The following GRM8 variants were observed in gnomAD, a reference collection of about 807,000 sequenced individuals.
GRM8 encodes the protein metabotropic glutamate receptor 8.
Under a neutral mutation model 87.2 loss-of-function variants are expected in GRM8, and 47 were observed. That is an observed-to-expected ratio of 0.54 (90% confidence interval 0.43 to 0.69). The LOEUF (loss-of-function observed/expected upper bound fraction) is 0.69. Ranked by LOEUF, GRM8 falls within the 30% of genes least tolerant of loss-of-function variation. The pLI, the probability that GRM8 is intolerant of heterozygous loss-of-function variation, is 0.00. For synonymous variants in GRM8, 396 were observed against 404.5 expected (o/e 0.98, Z 0.25); for missense variants, 1,019 against 1,139.2 (o/e 0.89, Z 1.52).
chr7:126,839,529 T>C (rs1256074252), intron 6 of GRM8, among the ~76,000 whole-genome samples: 2 of 152,092 alleles, frequency 1.3e-5, no homozygotes, highest in Admixed American at 6.6e-5. Context: ...TTGAATACAT[T>C]CACATTTAGG....
chr7:126,439,046 G>A lies in GRM8; in HGVS notation c.*73C>T. ...GTAGTCTACGGAGATCTCCAGGAGT[G>A]AATTTTTGCGGTCTCATGTTCATCA... On this transcript the variant is annotated 3_prime_UTR_variant, in exon 11 of 11. Coordinates refer to ENST00000339582, the MANE Select transcript of GRM8 (RefSeq NM_000845.3). 4 of 884,562 alleles carry A rather than the reference G, an allele frequency of 4.5e-6. No individual in the cohort carries two copies. The highest frequency in any genetic ancestry group is 3.9e-5 in the South Asian group (3 of 76,158). The allele number at this position is 884,562 out of a possible 1,614,324, so 54.8% of individuals were successfully genotyped here. A position where few individuals can be genotyped will look rare whatever the true frequency, so the allele number is the denominator to read the frequency against.
intron 1 of GRM8, among the ~76,000 whole-genome samples, chr7:127,247,274 G>A (rs1374993800): frequency 2.0e-5 from 3 of 152,294 alleles, no homozygotes; most frequent in East Asian, 3.9e-4. Flanking sequence ...ACCCACCAAC[G>A]CATGCAGGGT....
At chr7:127,075,620 T>C (rs1023297182) in intron 3 of GRM8, among the ~76,000 whole-genome samples, 1 of 152,124 alleles carries the variant, frequency 6.6e-6, no homozygotes, top group African/African-American at 2.4e-5. Flanking sequence ...TTGAATGGGA[T>C]AATGTGGAGG....
At chr7:126,554,236 C>A (rs903913480) in intron 8 of GRM8, among the ~76,000 whole-genome samples, 12 of 151,350 alleles carry the variant, frequency 7.9e-5, no homozygotes, top group Admixed American at 1.3e-4. Context: ...AAAATAAAAA[C>A]AAAAAGATAA....
intron 7 of GRM8, among the ~76,000 whole-genome samples, chr7:126,638,991 C>T (rs184899213): frequency 7.2e-5 from 11 of 152,312 alleles, no homozygotes; most frequent in African/African-American, 2.2e-4. Flanking sequence ...ACCACACAAT[C>T]TACTCTAGCC....
At chr7:127,140,155 C>G (rs1001755295) in intron 2 of GRM8, among the ~76,000 whole-genome samples, 1 of 152,262 alleles carries the variant, frequency 6.6e-6, no homozygotes. Flanking sequence ...GAGTGGTAAT[C>G]TTAATCTATT....
At chr7:126,509,395 G>C (rs569004183) in intron 9 of GRM8, among the ~76,000 whole-genome samples, 4 of 152,088 alleles carry the variant, frequency 2.6e-5, no homozygotes, top group Non-Finnish European at 4.4e-5. Flanking sequence ...CCAGGTAATG[G>C]CTGATACGCA....
At chr7:126,852,552 G>A (rs531197773) in intron 6 of GRM8, among the ~76,000 whole-genome samples, 21 of 152,324 alleles carry the variant, frequency 1.4e-4, no homozygotes, top group African/African-American at 3.8e-4. Context: ...AGAGCTGACA[G>A]TAAATAGGTT....
intron 3 of GRM8, among the ~76,000 whole-genome samples, chr7:127,020,313 T>A (rs1345180393): frequency 6.6e-6 from 1 of 151,990 alleles, no homozygotes; most frequent in Admixed American, 6.6e-5. Flanking sequence ...CAGAGAGAGG[T>A]TGCACTTGGG....
chr7:127,092,794 C>T (rs934848051), intron 3 of GRM8, among the ~76,000 whole-genome samples: 5 of 152,174 alleles, frequency 3.3e-5, no homozygotes, highest in Non-Finnish European at 5.9e-5. Context: ...AGGTGGCATG[C>T]GTGACTCTCT....
At chr7:126,485,000 G>A (rs1365678730) in intron 9 of GRM8, among the ~76,000 whole-genome samples, 3 of 151,634 alleles carry the variant, frequency 2.0e-5, no homozygotes, top group African/African-American at 7.3e-5. Context: ...GTCATACTAT[G>A]GACCTTTCTG....
At chr7:126,753,510 T>G (rs1180972810) in intron 7 of GRM8, among the ~76,000 whole-genome samples, 4 of 151,560 alleles carry the variant, frequency 2.6e-5, no homozygotes, top group Non-Finnish European at 5.9e-5. Context: ...ACTAAAAGCA[T>G]TAAGATTTCT....
At chr7:126,595,063 A>C (rs1797032271) in intron 8 of GRM8, among the ~76,000 whole-genome samples, 1 of 151,800 alleles carries the variant, frequency 6.6e-6, no homozygotes, top group Non-Finnish European at 1.5e-5. Context: ...GATGAAATTA[A>C]AAAAAAATAT....
chr7:127,134,612 G>GA (rs796430863), intron 2 of GRM8, among the ~76,000 whole-genome samples: 51 of 152,116 alleles, frequency 3.4e-4, no homozygotes, highest in African/African-American at 1.1e-3. Flanking sequence ...ATTTTAAAGA[G>GA]AAAAAATTAA....
At chr7:126,850,120 T>C (rs1243937106) in intron 6 of GRM8, among the ~76,000 whole-genome samples, 1 of 152,158 alleles carries the variant, frequency 6.6e-6, no homozygotes, top group African/African-American at 2.4e-5. Flanking sequence ...AATCATAATT[T>C]CCACCATCCA....
intron 6 of GRM8, among the ~76,000 whole-genome samples, chr7:126,866,846 T>TACA (rs1798642795): frequency 6.6e-6 from 1 of 152,030 alleles, no homozygotes; most frequent in Non-Finnish European, 1.5e-5. Flanking sequence ...CACCTCGGCC[T>TACA]CCCAAAGTGC....
intron 9 of GRM8, among the ~76,000 whole-genome samples, chr7:126,476,178 C>T (rs549213636): frequency 3.3e-5 from 5 of 152,248 alleles, no homozygotes; most frequent in Non-Finnish European, 7.4e-5. Flanking sequence ...GGGAGGACAG[C>T]TTAAGGACAG....
chr7:126,710,579 T>G (rs2151424579), intron 7 of GRM8, among the ~76,000 whole-genome samples: 1 of 152,352 alleles, frequency 6.6e-6, no homozygotes. Flanking sequence ...AATTTGATTA[T>G]GGAATTACAG....
intron 2 of GRM8, among the ~76,000 whole-genome samples, chr7:127,183,432 A>T (rs1249639589): frequency 6.6e-6 from 1 of 151,832 alleles, no homozygotes; most frequent in Non-Finnish European, 1.5e-5. Flanking sequence ...TAAACAACAC[A>T]CTTCTAAATA....
Sources: allele counts gnomAD v4.1 joint callset (sites outside exome capture counted in the v4.1 genomes callset), GRCh38; gene constraint gnomAD v4.1.1; transcripts MANE v1.5; gene names NCBI Gene and HGNC (gene_info 2026-07-23, HGNC 2026-07-21).